KDM4C: variants seen among roughly 807,000 people sequenced by gnomAD.
The protein encoded by KDM4C is lysine demethylase 4C.
KDM4C carries 81 observed loss-of-function variants against 129.3 expected under a neutral mutation model. The observed-to-expected ratio is 0.63, with a 90% CI of 0.52 to 0.75. The LOEUF (loss-of-function observed/expected upper bound fraction) is 0.75. KDM4C is among the 30% of genes least tolerant of loss of function. The pLI is 0.00. For missense variants in KDM4C, 1,457 were observed against 1,304.0 expected, an observed-to-expected ratio of 1.12 and a Z score of -1.81; for synonymous variants, 573 against 456.1, an observed-to-expected ratio of 1.26 and a Z score of -3.26.
At chr9:6,822,597 T>G (rs866782831) in intron 4 of KDM4C, among the ~76,000 whole-genome samples, 13 of 152,240 alleles carry the variant, frequency 8.5e-5, no homozygotes, top group African/African-American at 2.7e-4. Flanking sequence ...CTGGATTTTT[T>G]TTTGTTATGT....
chr9:6,913,980 C>T (rs1256152458), intron 8 of KDM4C, among the ~76,000 whole-genome samples: 2 of 152,228 alleles, frequency 1.3e-5, no homozygotes, highest in Admixed American at 6.5e-5. Context: ...TTCTGCGTTT[C>T]TTTTTCAATT....
intron 5 of KDM4C, among the ~76,000 whole-genome samples, chr9:6,854,897 A>G (rs567088641): frequency 5.5e-4 from 84 of 152,294 alleles, no homozygotes; most frequent in African/African-American, 1.9e-3. Flanking sequence ...TTTACTGAGC[A>G]TGTGACCTTG....
At chr9:6,830,543 T>C (rs1188678049) in intron 4 of KDM4C, among the ~76,000 whole-genome samples, 1 of 152,240 alleles carries the variant, frequency 6.6e-6, no homozygotes, top group Non-Finnish European at 1.5e-5. Flanking sequence ...ACTAAAATGA[T>C]AAAATGGTTT....
intron 15 of KDM4C, among the ~76,000 whole-genome samples, chr9:7,020,487 A>T (rs7858749): frequency 0.47 from 71,366 of 151,902 alleles, 16,978 homozygotes; most frequent in South Asian, 0.6. Flanking sequence ...CTTTTTGGTC[A>T]ATTTATATAA....
At chr9:6,856,567 TG>T (rs1839866030) in intron 5 of KDM4C, among the ~76,000 whole-genome samples, 1 of 138,156 alleles carries the variant, frequency 7.2e-6, no homozygotes, top group Admixed American at 7.0e-5. Flanking sequence ...TGTGTGTGTG[TG>T]TGTGTGTGTG....
At chr9:7,153,281 C>G (rs1162244146) in intron 19 of KDM4C, among the ~76,000 whole-genome samples, 1 of 152,156 alleles carries the variant, frequency 6.6e-6, no homozygotes, top group East Asian at 1.9e-4. Context: ...TTGCTAATCT[C>G]TACATGAAGG....
intron 8 of KDM4C, among the ~76,000 whole-genome samples, chr9:6,960,810 C>T (rs1252958243): frequency 6.6e-6 from 1 of 151,960 alleles, no homozygotes; most frequent in Non-Finnish European, 1.5e-5. Flanking sequence ...TTAGCAGCAT[C>T]CTGGCCTTTA....
At chr9:7,053,789 T>C (rs1564051531) in intron 17 of KDM4C, among the ~76,000 whole-genome samples, 1 of 152,126 alleles carries the variant, frequency 6.6e-6, no homozygotes, top group Non-Finnish European at 1.5e-5. Context: ...CTGCCCCAGC[T>C]AAAAAAATGC....
chr9:6,861,781 T>A (rs1840975232), intron 5 of KDM4C, among the ~76,000 whole-genome samples: 1 of 151,808 alleles, frequency 6.6e-6, no homozygotes, highest in African/African-American at 2.4e-5. Context: ...TTTCTTTCTT[T>A]TTTTTTTTTC....
At chr9:6,752,880 C>T (rs899975981), upstream of KDM4C, among the ~76,000 whole-genome samples, 2 of 152,038 alleles carry the variant, frequency 1.3e-5, no homozygotes, top group African/African-American at 4.8e-5. Flanking sequence ...TAAGTTCATG[C>T]CTGAGGTGGA....
rs532769608 is a variant in KDM4C, at chr9:6,861,069, A to T, written c.629+11369A>T. Among the ~76,000 whole-genome samples, 12 of 152,372 alleles carry T rather than the reference A, an allele frequency of 7.9e-5. No homozygotes were observed. The East Asian group carries it at 2.3e-3, about 29-fold the overall frequency. ...TACCCAAGGCACAGGCAGTAGGTGG[A>T]AATAAATCCCTGCACTGGACTTGAA... On this transcript the variant is annotated intron_variant, in intron 5 of 21. Coordinates refer to ENST00000381309, the MANE Select transcript of KDM4C (RefSeq NM_015061.6).
chr9:6,908,692 G>C (rs1818760107), intron 8 of KDM4C, among the ~76,000 whole-genome samples: 1 of 151,946 alleles, frequency 6.6e-6, no homozygotes, highest in Non-Finnish European at 1.5e-5. Context: ...GGGGTGGGGA[G>C]GTACCTAGCT....
intron 6 of KDM4C, among the ~76,000 whole-genome samples, chr9:6,881,208 T>C (rs1161631475): frequency 2.0e-5 from 3 of 152,238 alleles, no homozygotes; most frequent in Non-Finnish European, 4.4e-5. Context: ...TAAAGGTTAC[T>C]TTTCCCTAAA....
intron 8 of KDM4C, among the ~76,000 whole-genome samples, chr9:6,940,047 CTCCT>C (rs1208740844): frequency 1.3e-5 from 1 of 74,194 alleles, no homozygotes; most frequent in African/African-American, 5.0e-5. Context: ...CCTTCCTTCC[CTCCT>C]TCCCTCCTTC....
chr9:6,841,402 G>A (rs1187755246), intron 4 of KDM4C, among the ~76,000 whole-genome samples: 1 of 152,180 alleles, frequency 6.6e-6, no homozygotes, highest in East Asian at 1.9e-4. Context: ...GATATGGAAA[G>A]ACTTAGCGAG....
At chr9:7,038,051 G>C (rs535667044) in intron 15 of KDM4C, among the ~76,000 whole-genome samples, 4 of 152,210 alleles carry the variant, frequency 2.6e-5, no homozygotes, top group Middle Eastern at 6.8e-3. Flanking sequence ...CCGTAGGTTA[G>C]ATTGGAAAGA....
At chr9:7,076,723 A>C in intron 17 of KDM4C, 5 of 1,211,826 alleles carry the variant, frequency 4.1e-6, no homozygotes, top group Non-Finnish European at 5.1e-6. Context: ...TTGACTTCCT[A>C]TGTGGGGTAA....
chr9:7,029,680 C>G (rs192970603), intron 15 of KDM4C, among the ~76,000 whole-genome samples: 1 of 152,122 alleles, frequency 6.6e-6, no homozygotes, highest in African/African-American at 2.4e-5. Context: ...AGATGTTTCT[C>G]TCCAGGAAAT....
rs553208066 is a variant in KDM4C at position 6,762,955 on chromosome 9, C to T, written c.-18+4752C>T. On this transcript the variant is annotated intron_variant, in intron 1 of 21. Coordinates refer to ENST00000381309, the MANE Select transcript of KDM4C (RefSeq NM_015061.6). Reference sequence around the variant, plus strand: ...GATTACAGGCATGAGCCACCACACCCGGCCAGGTCATTGTCTTTTTTACTC... The same window carrying T: ...GATTACAGGCATGAGCCACCACACCTGGCCAGGTCATTGTCTTTTTTACTC... Among the ~76,000 whole-genome samples, 1,199 of 151,974 alleles carry T rather than the reference C, an allele frequency of 7.9e-3. 12 individuals carry two copies. Among genetic ancestry groups the T allele is most frequent in the Non-Finnish European group, 9.2e-3 (626 of 67,980 alleles).
Sources: allele counts gnomAD v4.1 joint callset (sites outside exome capture counted in the v4.1 genomes callset), GRCh38; gene constraint gnomAD v4.1.1; transcripts MANE v1.5; gene names NCBI Gene and HGNC (gene_info 2026-07-23, HGNC 2026-07-21).